Variants in DMRT1 observed in about 807,000 individuals in gnomAD.
The protein encoded by DMRT1 is doublesex and mab-3 related transcription factor 1.
Under a neutral mutation model 32.3 loss-of-function variants are expected in DMRT1, and 7 were observed. That is an observed-to-expected ratio of 0.22 (90% CI 0.12 to 0.41). The LOEUF is 0.41. DMRT1 is among the 10% of genes least tolerant of loss of function. The pLI is 1.00. For synonymous variants in DMRT1, 278 were observed against 206.1 expected, an observed-to-expected ratio of 1.35 and a Z score of -2.99; for missense variants, 625 against 500.5, an observed-to-expected ratio of 1.25 and a Z score of -2.37.
intron 3 of DMRT1, among the ~76,000 whole-genome samples, chr9:902,591 C>G (rs1463607739): frequency 6.6e-6 from 1 of 151,400 alleles, no homozygotes; most frequent in African/African-American, 2.4e-5. Context: ...CGGGTTCAAG[C>G]GATTCTCCTG....
At chr9:899,776 G>A (rs1817500915) in intron 3 of DMRT1, among the ~76,000 whole-genome samples, 1 of 152,240 alleles carries the variant, frequency 6.6e-6, no homozygotes, top group African/African-American at 2.4e-5. Context: ...CGTATCGAGT[G>A]AGCAGAAATA....
In DMRT1 at chr9:848,064, C is replaced by T. The variant is rs182049666; in HGVS notation, c.538+921C>T. ...TTGTTATTTCTGGCAATTAGATACA[C>T]ATACTGTAATTCACAGAATATCTTT... is the stretch of plus-strand genomic sequence containing the variant. On this transcript the variant is annotated intron_variant, in intron 2 of 4. Transcript: ENST00000382276. Among the ~76,000 whole-genome samples the T allele has an allele frequency of 2.0e-5, 3 of 152,310 alleles. No individual in the cohort carries two copies. The East Asian group carries it at 5.8e-4, about 29-fold the overall frequency.
At chr9:914,650 C>G (rs1818112967) in intron 3 of DMRT1, among the ~76,000 whole-genome samples, 1 of 149,958 alleles carries the variant, frequency 6.7e-6, no homozygotes, top group African/African-American at 2.5e-5. Flanking sequence ...AGAAGAGACA[C>G]CATTTCATAT....
intron 4 of DMRT1, among the ~76,000 whole-genome samples, chr9:930,581 T>C (rs1818686593): frequency 6.6e-6 from 1 of 152,044 alleles, no homozygotes; most frequent in Non-Finnish European, 1.5e-5. Flanking sequence ...GCAAATCCTT[T>C]GTATTTTTAG....
intron 3 of DMRT1, among the ~76,000 whole-genome samples, chr9:912,407 T>C (rs1289939043): frequency 1.3e-5 from 2 of 152,244 alleles, no homozygotes; most frequent in Non-Finnish European, 2.9e-5. Flanking sequence ...GGAATTCTTT[T>C]ATAGCTCAGT....
chr9:961,580 G>T (rs909771092), intron 4 of DMRT1, among the ~76,000 whole-genome samples: 1 of 152,170 alleles, frequency 6.6e-6, no homozygotes, highest in South Asian at 2.1e-4. Flanking sequence ...TCCTCAAAAA[G>T]ATTGAAAAAG....
intron 2 of DMRT1, among the ~76,000 whole-genome samples, chr9:860,863 G>C (rs537074385): frequency 3.3e-5 from 5 of 152,294 alleles, no homozygotes; most frequent in African/African-American, 1.2e-4. Flanking sequence ...AGACTGTGCT[G>C]AGGCAGGCAG....
intron 2 of DMRT1, among the ~76,000 whole-genome samples, chr9:852,798 A>G (rs547569117): frequency 1.6e-4 from 24 of 152,130 alleles, no homozygotes; most frequent in Non-Finnish European, 2.9e-4. Context: ...CTCGTGGCCC[A>G]GTTTCAGTCA....
intron 1 of DMRT1, among the ~76,000 whole-genome samples, chr9:845,466 G>A (rs143108602): frequency 3.9e-5 from 6 of 152,070 alleles, no homozygotes; most frequent in African/African-American, 1.2e-4. Flanking sequence ...CCTCAGCATC[G>A]CAAAGTGATG....
intron 4 of DMRT1, 71 bp from the exon 5 acceptor site, chr9:967,914 A>G (rs1819982416): frequency 1.4e-6 from 2 of 1,430,394 alleles, no homozygotes; most frequent in Admixed American, 1.8e-5. Context: ...TAATGAATGT[A>G]TAAAGACCAG....
intron 4 of DMRT1, among the ~76,000 whole-genome samples, chr9:963,184 T>G (rs1819830109): frequency 6.6e-6 from 1 of 152,170 alleles, no homozygotes; most frequent in Admixed American, 6.5e-5. Flanking sequence ...TATAGGATCT[T>G]TCATTTAATT....
At chr9:878,200 G>GCCCCCCC (rs34336062) in intron 2 of DMRT1, among the ~76,000 whole-genome samples, 391 of 94,036 alleles carry the variant, frequency 4.2e-3, no homozygotes, top group Middle Eastern at 0.017. Flanking sequence ...TGCAGCTGCT[G>GCCCCCCC]CCCCCCCCCC....
intron 4 of DMRT1, among the ~76,000 whole-genome samples, chr9:943,997 G>T (rs1819161322): frequency 6.6e-6 from 1 of 152,064 alleles, no homozygotes; most frequent in African/African-American, 2.4e-5. Flanking sequence ...CTGTGTTTGG[G>T]GTCTCTCAGA....
intron 2 of DMRT1, among the ~76,000 whole-genome samples, chr9:893,124 C>T (rs1020575501): frequency 6.6e-6 from 1 of 152,100 alleles, no homozygotes; most frequent in Admixed American, 6.5e-5. Context: ...CCGTAGACTC[C>T]CTGTGGGCAC....
chr9:863,025 G>A (rs190853507), intron 2 of DMRT1, among the ~76,000 whole-genome samples: 1 of 151,934 alleles, frequency 6.6e-6, no homozygotes, highest in East Asian at 1.9e-4. Flanking sequence ...CCTTAAAAGT[G>A]GAGAGCTCCC....
intron 2 of DMRT1, among the ~76,000 whole-genome samples, chr9:857,237 G>A (rs889078244): frequency 5.3e-5 from 8 of 152,164 alleles, no homozygotes; most frequent in African/African-American, 1.2e-4. Context: ...AGCCCAGGAC[G>A]TGGAGGTTGC....
chr9:886,784 C>G (rs936793833), intron 2 of DMRT1, among the ~76,000 whole-genome samples: 2 of 152,122 alleles, frequency 1.3e-5, no homozygotes, highest in Admixed American at 1.3e-4. Flanking sequence ...GACACTTAGG[C>G]TGGCCTGCCA....
chr9:911,103 C>A (rs372162629), intron 3 of DMRT1, among the ~76,000 whole-genome samples: 1 of 152,138 alleles, frequency 6.6e-6, no homozygotes, highest in Non-Finnish European at 1.5e-5. Context: ...GGGAGCTTCT[C>A]ACCTTGGCGC....
chr9:874,352 A>G (rs58452037), intron 2 of DMRT1, among the ~76,000 whole-genome samples: 40,694 of 152,110 alleles, frequency 0.27, 6,188 homozygotes, highest in African/African-American at 0.41. Flanking sequence ...CAGTTGAGAT[A>G]TAGATTGGGT....
Sources: gnomAD v4.1 joint callset for allele counts (sites outside exome capture counted in the v4.1 genomes callset) on GRCh38, gnomAD v4.1.1 for gene constraint, MANE v1.5 for transcripts, NCBI Gene and HGNC (gene_info 2026-07-23, HGNC 2026-07-21) for gene names.